ADAMTS17: variants seen among roughly 807,000 people sequenced by gnomAD.
ADAMTS17 encodes the protein ADAM metallopeptidase with thrombospondin type 1 motif 17.
ADAMTS17 carries 113 observed loss-of-function variants against 141.5 expected under a neutral mutation model. That is an observed-to-expected ratio of 0.80 (90% CI 0.69 to 0.93). The LOEUF is 0.93. Ranked by LOEUF, ADAMTS17 falls within the 40% of genes least tolerant of loss-of-function variation. ADAMTS17 has a pLI of 0.00. For synonymous variants in ADAMTS17, 768 were observed against 630.6 expected (o/e 1.22, Z -3.27); for missense variants, 1,659 against 1,517.9 (o/e 1.09, Z -1.54).
At position 100,341,866 on chromosome 15, in the gene ADAMTS17, G is replaced by T. The variant is rs1945789944; in HGVS notation, c.34C>A (p.Leu12Met). The T allele has an allele frequency of 1.3e-6, 2 of 1,552,878 alleles. No individual in the cohort carries two copies. Among genetic ancestry groups the T allele is most frequent in the Admixed American group, 1.9e-5 (1 of 51,306 alleles). Residue 12 changes from leucine to methionine, a missense_variant, in exon 1 of 22, where the codon CTG (leucine) becomes ATG (methionine). By Grantham distance (15) the Leu-to-Met change is conservative. Transcript: ENST00000268070. Reference sequence around the variant, plus strand: ...CAAACCAGCAGCAGCAGCACGGGCAGGACGAGCGGAGGCAGCAGGGCGCCG... The same window carrying T: ...CAAACCAGCAGCAGCAGCACGGGCATGACGAGCGGAGGCAGCAGGGCGCCG... ...CDGALLPPLVLPVLLLLVWGL... is the reference protein window; with the variant it reads ...CDGALLPPLVMPVLLLLVWGL...
intron 7 of ADAMTS17, among the ~76,000 whole-genome samples, chr15:100,209,238 T>C (rs948000014): frequency 6.6e-6 from 1 of 152,028 alleles, no homozygotes; most frequent in Non-Finnish European, 1.5e-5. Context: ...GGACTTTTAG[T>C]GAAACCTCGG....
At chr15:100,064,743 C>T (rs1200013230) in intron 15 of ADAMTS17, among the ~76,000 whole-genome samples, 2 of 152,126 alleles carry the variant, frequency 1.3e-5, no homozygotes, top group East Asian at 3.8e-4. Flanking sequence ...ACGGAAGCTG[C>T]CAGGGCAGAA....
chr15:100,298,292 C>G (rs1375827912), intron 3 of ADAMTS17, among the ~76,000 whole-genome samples: 2 of 152,100 alleles, frequency 1.3e-5, no homozygotes, highest in African/African-American at 2.4e-5. Context: ...ACTGCTGTCC[C>G]CTTCCAGCCA....
chr15:100,210,230 CAAAAAA>C (rs34086690), intron 7 of ADAMTS17, among the ~76,000 whole-genome samples: 5 of 31,182 alleles, frequency 1.6e-4, no homozygotes, highest in East Asian at 2.5e-3. Context: ...GACTCCATCT[CAAAAAA>C]AAAAAAAAAA....
At chr15:100,301,252 G>A (rs2141815763) in intron 3 of ADAMTS17, among the ~76,000 whole-genome samples, 1 of 151,920 alleles carries the variant, frequency 6.6e-6, no homozygotes, top group South Asian at 2.1e-4. Context: ...TATATTTATT[G>A]TAAAAGTTGA....
chr15:100,143,030 C>T (rs1426557115), intron 10 of ADAMTS17, among the ~76,000 whole-genome samples: 2 of 152,208 alleles, frequency 1.3e-5, no homozygotes, highest in African/African-American at 4.8e-5. Flanking sequence ...GGCTTTGGAG[C>T]CACGATGGTG....
intron 1 of ADAMTS17, 48 bp downstream of exon 1, chr15:100,341,773 G>C (rs746825042): frequency 6.5e-7 from 1 of 1,538,766 alleles, no homozygotes; most frequent in Non-Finnish European, 8.8e-7. Context: ...GCAGAGGGAA[G>C]GTAGCCGCAG....
At chr15:100,075,824 T>G (rs978000012) in intron 15 of ADAMTS17, among the ~76,000 whole-genome samples, 1 of 152,300 alleles carries the variant, frequency 6.6e-6, no homozygotes, top group Non-Finnish European at 1.5e-5. Context: ...TCCACTGCTG[T>G]TTTTCTCAAT....
chr15:100,022,830 C>T (rs562540709), intron 18 of ADAMTS17, among the ~76,000 whole-genome samples: 245 of 152,232 alleles, frequency 1.6e-3, no homozygotes, highest in African/African-American at 5.4e-3. Context: ...ACAGAAACCA[C>T]GTCCGTAAGC....
intron 15 of ADAMTS17, among the ~76,000 whole-genome samples, chr15:100,081,275 C>T (rs2034716178): frequency 6.6e-6 from 1 of 152,202 alleles, no homozygotes; most frequent in South Asian, 2.1e-4. Flanking sequence ...GGGACTGGCT[C>T]TCCTTGCTCC....
intron 18 of ADAMTS17, among the ~76,000 whole-genome samples, chr15:100,005,974 CCAGCCT>C (rs1423241417): frequency 6.6e-6 from 1 of 151,848 alleles, no homozygotes; most frequent in Non-Finnish European, 1.5e-5. Flanking sequence ...AGCCCCAGCC[CCAGCCT>C]GCATCTTCCC....
chr15:100,339,139 C>A, intron 2 of ADAMTS17: 1 of 985,490 alleles, frequency 1.0e-6, no homozygotes, highest in Non-Finnish European at 1.2e-6. Flanking sequence ...TGAACTCAGC[C>A]TGTTGGCCAG....
intron 19 of ADAMTS17, among the ~76,000 whole-genome samples, chr15:99,994,876 G>T (rs1156683264): frequency 2.6e-5 from 4 of 152,190 alleles, no homozygotes; most frequent in Admixed American, 6.5e-5. Context: ...TCTTTCTTAC[G>T]AATTCAATTC....
chr15:100,019,760 T>C (rs1474290173), intron 18 of ADAMTS17, among the ~76,000 whole-genome samples: 2 of 152,246 alleles, frequency 1.3e-5, no homozygotes, highest in African/African-American at 4.8e-5. Flanking sequence ...TTTGGCCCTG[T>C]GGCCTCTAGT....
intron 7 of ADAMTS17, among the ~76,000 whole-genome samples, chr15:100,215,533 T>G (rs746151940): frequency 2.0e-5 from 3 of 152,114 alleles, no homozygotes; most frequent in East Asian, 3.9e-4. Flanking sequence ...AACAGAGAAG[T>G]TGACAGCCCC....
chr15:100,079,835 C>T (rs1348618064), intron 15 of ADAMTS17, among the ~76,000 whole-genome samples: 1 of 152,200 alleles, frequency 6.6e-6, no homozygotes, highest in Non-Finnish European at 1.5e-5. Context: ...GACCAAGGCA[C>T]TCACTTTACA....
chr15:100,056,552 C>T (rs2032586231), intron 15 of ADAMTS17, among the ~76,000 whole-genome samples: 1 of 152,164 alleles, frequency 6.6e-6, no homozygotes, highest in Non-Finnish European at 1.5e-5. Flanking sequence ...GTGCCATTCA[C>T]AATAGGGTTT....
chr15:100,298,472 G>A (rs2044904882), intron 3 of ADAMTS17, among the ~76,000 whole-genome samples: 1 of 152,160 alleles, frequency 6.6e-6, no homozygotes, highest in Non-Finnish European at 1.5e-5. Context: ...ACTCATCTGA[G>A]TGTTTACATG....
intron 4 of ADAMTS17, among the ~76,000 whole-genome samples, chr15:100,270,489 A>C (rs1463903549): frequency 6.6e-6 from 1 of 152,106 alleles, no homozygotes; most frequent in African/African-American, 2.4e-5. Context: ...TCCAGAAGCA[A>C]ATTTGCCTAG....
Sources: allele counts gnomAD v4.1 joint callset (sites outside exome capture counted in the v4.1 genomes callset), GRCh38; gene constraint gnomAD v4.1.1; transcripts MANE v1.5; gene names NCBI Gene and HGNC (gene_info 2026-07-23, HGNC 2026-07-21).